SP100: variants seen among roughly 807,000 people sequenced by gnomAD.
SP100 encodes the protein nuclear autoantigen Sp-100.
SP100 carries 84 observed loss-of-function variants against 130.0 expected under a neutral mutation model. The ratio of observed to expected loss-of-function variants is 0.65; its 90% CI spans 0.54 to 0.77. The LOEUF is 0.77. SP100 is among the 30% of genes least tolerant of loss of function. The probability of loss-of-function intolerance (pLI) is 0.00; values close to 1 mark genes in which losing one functional copy is unlikely to be tolerated. For synonymous variants in SP100, 331 were observed against 351.7 expected, an observed-to-expected ratio of 0.94 and a Z score of 0.66; for missense variants, 978 against 1,052.2, an observed-to-expected ratio of 0.93 and a Z score of 0.97.
chr2:230,527,836 G>T (rs1691502426), intron 24 of SP100, among the ~76,000 whole-genome samples: 1 of 152,138 alleles, frequency 6.6e-6, no homozygotes, highest in Admixed American at 6.5e-5. Flanking sequence ...GACAAAGAAG[G>T]CCATTATATA....
At chr2:230,478,087 T>C (rs573773876) in intron 17 of SP100, among the ~76,000 whole-genome samples, 2 of 152,322 alleles carry the variant, frequency 1.3e-5, no homozygotes, top group East Asian at 3.9e-4. Context: ...TTATACATTG[T>C]ATAAATTTAT....
chr2:230,508,166 G>A (rs1038540160), intron 23 of SP100, 135 bp downstream of exon 23: 65 of 1,436,378 alleles, frequency 4.5e-5, no homozygotes, highest in Non-Finnish European at 5.9e-5. Flanking sequence ...TGCAGTTGCT[G>A]CTTTCAAACA....
intron 24 of SP100, among the ~76,000 whole-genome samples, chr2:230,517,503 T>G (rs1690977626): frequency 6.6e-6 from 1 of 152,164 alleles, no homozygotes. Context: ...AGCTAACACC[T>G]GTAATCCCAG....
Position 230,543,120 on chromosome 2 carries a change from G to A in SP100, c.*174G>A. On this transcript the variant is annotated 3_prime_UTR_variant, in exon 29 of 29. Transcript: ENST00000340126. ...TCAATAAAATTCAACACCCCTTCAT[G>A]TTAAAAATTCTCAATAAGCTAGGTA... 2.1e-6 allele frequency: 1 copy of A among 470,092 alleles called. No homozygotes were observed. Among genetic ancestry groups the A allele is most frequent in the Admixed American group, 4.2e-5 (1 of 23,916 alleles). 29.1% of individuals were successfully genotyped at this position (470,092 alleles called of 1,614,324 possible). A position where few individuals can be genotyped will look rare whatever the true frequency, so the allele number is the denominator to read the frequency against.
chr2:230,501,864 C>T (rs57295418), intron 19 of SP100, among the ~76,000 whole-genome samples: 3,151 of 152,222 alleles, frequency 0.021, 123 homozygotes, highest in African/African-American at 0.072. Context: ...TAGATACATG[C>T]TTCCAAGATT....
chr2:230,517,435 T>C (rs1343811475), intron 24 of SP100, among the ~76,000 whole-genome samples: 2 of 152,152 alleles, frequency 1.3e-5, no homozygotes, highest in African/African-American at 4.8e-5. Flanking sequence ...AATCAAAAAC[T>C]TAATAAAGAC....
chr2:230,450,634 C>T (rs964275479), intron 8 of SP100, among the ~76,000 whole-genome samples: 1 of 152,162 alleles, frequency 6.6e-6, no homozygotes, highest in South Asian at 2.1e-4. Flanking sequence ...CAGTCCTCTT[C>T]CTCATATCCC....
At chr2:230,417,721 A>T in intron 2 of SP100, 56 bp downstream of exon 2, 1 of 1,581,326 alleles carries the variant, frequency 6.3e-7, no homozygotes, top group South Asian at 1.2e-5. Flanking sequence ...ACGATGGGAA[A>T]ATTGATCAGC....
intron 24 of SP100, chr2:230,514,972 C>G (rs891277834): frequency 1.3e-6 from 2 of 1,504,820 alleles, no homozygotes; most frequent in African/African-American, 2.8e-5. Context: ...CAAGTGAGAG[C>G]TGGACAGGCC....
intron 11 of SP100, 44 bp from the exon 12 acceptor site, chr2:230,466,257 G>A: frequency 2.0e-6 from 2 of 1,019,858 alleles, no homozygotes; most frequent in Non-Finnish European, 3.0e-6. Flanking sequence ...GAATTTATAA[G>A]TCTCTTGCAT....
intron 8 of SP100, among the ~76,000 whole-genome samples, chr2:230,450,667 C>G (rs1303101587): frequency 1.3e-5 from 2 of 152,172 alleles, no homozygotes. Context: ...CCACCATATA[C>G]TCTCAACTTC....
intron 24 of SP100, 36 bp downstream of exon 24, chr2:230,511,202 G>A: frequency 6.8e-7 from 1 of 1,468,856 alleles, no homozygotes; most frequent in Middle Eastern, 1.7e-4. Context: ...CCCAAAATAA[G>A]TCAGGCCTTT....
At chr2:230,495,808 G>GTAAAA (rs530616390) in intron 18 of SP100, among the ~76,000 whole-genome samples, 72 of 151,714 alleles carry the variant, frequency 4.7e-4, no homozygotes, top group African/African-American at 1.5e-3. Flanking sequence ...TTTGCATCTT[G>GTAAAA]TAAAATACTT....
At chr2:230,479,101 G>A (rs867378308) in intron 17 of SP100, among the ~76,000 whole-genome samples, 8 of 152,176 alleles carry the variant, frequency 5.3e-5, no homozygotes, top group Admixed American at 1.3e-4. Flanking sequence ...GATTACAGGC[G>A]CGAGCCACCG....
At chr2:230,536,252 G>C (rs562111577) in intron 24 of SP100, among the ~76,000 whole-genome samples, 4 of 152,228 alleles carry the variant, frequency 2.6e-5, no homozygotes, top group African/African-American at 9.6e-5. Context: ...GGTCACCCAT[G>C]GTATGGATTT....
At chr2:230,514,009 T>A (rs1295969813) in intron 24 of SP100, among the ~76,000 whole-genome samples, 1 of 152,008 alleles carries the variant, frequency 6.6e-6, no homozygotes, top group African/African-American at 2.4e-5. Flanking sequence ...CATCAATTTA[T>A]AGTTGCTGTT....
chr2:230,524,189 A>AG (rs1171052454), intron 24 of SP100, among the ~76,000 whole-genome samples: 1 of 142,248 alleles, frequency 7.0e-6, no homozygotes, highest in African/African-American at 2.5e-5. Flanking sequence ...CAAAAAAAAA[A>AG]AAAAAAAAAA....
rs1279123280 is a variant in SP100, at chr2:230,516,044, G to C, written c.2094+4878G>C. 3.0e-6 allele frequency: 3 copies of C among 991,798 alleles called. No individual in the cohort carries two copies. The African/African-American group carries it at 5.3e-5, about 17-fold the overall frequency. 61.4% of individuals were successfully genotyped at this position (991,798 alleles called of 1,614,324 possible). Reference sequence around the variant, plus strand: ...GCAAAAAAAAAAAACAGTTGCAGCTGTTTTGTTGACATTCTGAATGCTTCT... The same window carrying C: ...GCAAAAAAAAAAAACAGTTGCAGCTCTTTTGTTGACATTCTGAATGCTTCT... On this transcript the variant is annotated intron_variant, in intron 24 of 28. Coordinates refer to ENST00000340126, the MANE Select transcript of SP100 (RefSeq NM_001080391.2).
rs1291560815 is a variant in SP100, at chr2:230,544,541, G to A, written c.*1595G>A. Among the ~76,000 whole-genome samples, 1 of 152,022 alleles carries A rather than the reference G, an allele frequency of 6.6e-6. No individual in the cohort carries two copies. The highest frequency in any genetic ancestry group is 2.4e-5 in the African/African-American group (1 of 41,380). ...TCACTCTTGTTGCCCAGGCCAGAGTGCAATGGCGTGATCTTGGCTCACCAC... is the reference window on the plus strand; with the variant it reads ...TCACTCTTGTTGCCCAGGCCAGAGTACAATGGCGTGATCTTGGCTCACCAC... On this transcript the variant is annotated 3_prime_UTR_variant, in exon 29 of 29. Transcript: ENST00000340126.
Sources: allele counts gnomAD v4.1 joint callset (sites outside exome capture counted in the v4.1 genomes callset), GRCh38; gene constraint gnomAD v4.1.1; transcripts MANE v1.5; gene names NCBI Gene and HGNC (gene_info 2026-07-23, HGNC 2026-07-21).